HNRNPA3: variants seen among roughly 807,000 people sequenced by gnomAD.
The protein encoded by HNRNPA3 is epididymis secretory sperm binding protein.
A neutral mutation model predicts 45.8 loss-of-function variants in HNRNPA3; 3 were observed. The observed-to-expected ratio is 0.07, with a 90% CI of 0.03 to 0.17. HNRNPA3 has a LOEUF of 0.17. Among genes scored for constraint, HNRNPA3 ranks in the 10% least tolerant of loss-of-function variants. HNRNPA3 has a pLI of 1.00. For missense variants in HNRNPA3, 183 were observed against 480.3 expected (o/e 0.38, Z 5.79); for synonymous variants, 170 against 155.6 (o/e 1.09, Z -0.69).
Position 177,217,814 on chromosome 2 carries a change from T to G in HNRNPA3, c.930T>G (p.Asp310Glu), listed in dbSNP as rs757589779. The G allele has an allele frequency of 1.6e-5, 26 of 1,597,372 alleles. No individual in the cohort carries two copies. The highest frequency in any genetic ancestry group is 2.2e-5 in the Non-Finnish European group (26 of 1,173,292). ...GATATGGTGGAGGTGGAGGATATGA[T>G]GGTTACAATGAAGGAGGAAATTTTG... The change falls in exon 8 of 11, where the codon GAT (aspartate) becomes GAG (glutamate). Residue 310 changes from aspartate (D) to glutamate (E), a missense_variant. By Grantham distance (45) the Asp-to-Glu change is conservative (BLOSUM62 2). Transcript: ENST00000392524.
intron 1 of HNRNPA3, among the ~76,000 whole-genome samples, chr2:177,215,184 C>T (rs1483331023): frequency 6.6e-6 from 1 of 152,084 alleles, no homozygotes; most frequent in Non-Finnish European, 1.5e-5. Context: ...CTCACCGCAA[C>T]CTCCGCCTCC....
At chr2:177,216,121 G>A (rs1267640182) in exon 4 of HNRNPA3, 2 of 1,574,850 alleles carry the variant, frequency 1.3e-6, no homozygotes, top group South Asian at 2.2e-5. Context: ...AAGACAGGCA[G>A]AGTGGAAAAA....
chr2:177,219,759 A>C (rs1321882679), exon 11 of HNRNPA3: 1 of 153,284 alleles, frequency 6.5e-6, no homozygotes, highest in Non-Finnish European at 1.5e-5. Context: ...TAAAAAATTA[A>C]GGAATTTTTA....
chr2:177,223,208 CGCGTGTTGAATAAGG>C, downstream of HNRNPA3: 1 of 152,202 alleles, frequency 6.6e-6, no homozygotes, highest in Middle Eastern at 3.4e-3. Flanking sequence ...CCAATTTCTA[CGCGTGTTGAATAAGG>C]TAACAGCCTT....
At chr2:177,215,436 G>A (rs562559366) in intron 1 of HNRNPA3, 103 bp from the exon 2 acceptor site, 2 of 1,190,414 alleles carry the variant, frequency 1.7e-6, no homozygotes, top group East Asian at 4.7e-5. Flanking sequence ...ACTGTCACAG[G>A]AATTTGATGT....
At chr2:177,214,274 A>G (rs1420976044) in intron 1 of HNRNPA3, among the ~76,000 whole-genome samples, 1 of 152,248 alleles carries the variant, frequency 6.6e-6, no homozygotes, top group Non-Finnish European at 1.5e-5. Flanking sequence ...CCAACTTGCC[A>G]GTTAGTTGTG....
At chr2:177,219,124 G>C (rs1273393306) in exon 9 of HNRNPA3, 8 of 1,614,158 alleles carry the variant, frequency 5.0e-6, no homozygotes, top group Admixed American at 3.3e-5. Context: ...AAAGGGGGCA[G>C]TTTTGGTGGA....
chr2:177,213,306 C>T (rs1025858403), intron 1 of HNRNPA3, among the ~76,000 whole-genome samples: 4 of 152,216 alleles, frequency 2.6e-5, no homozygotes, highest in Admixed American at 1.3e-4. Context: ...GCGCATTGGC[C>T]CGCAATGGCC....
rs1271074235 is a variant in HNRNPA3, at chr2:177,217,935, TG to T, written c.961+91del. On this transcript the variant is annotated intron_variant, in intron 8 of 10. Transcript: ENST00000392524. ...ATATTTGGAAAGTGTTAAAAGCGTT[TG>T]ATCAAATTTTATGTTCTATAAGAAA... 10 of 1,274,040 alleles carry T rather than the reference TG, an allele frequency of 7.8e-6. No individual in the cohort carries two copies. The Middle Eastern group carries it at 9.9e-4, about 126-fold the overall frequency. The allele number at this position is 1,274,040 out of a possible 1,614,324, so 78.9% of individuals were successfully genotyped here. A position where few individuals can be genotyped will look rare whatever the true frequency, so the allele number is the denominator to read the frequency against.
chr2:177,223,953 A>G (rs999083153), downstream of HNRNPA3: 3 of 152,226 alleles, frequency 2.0e-5, no homozygotes, highest in African/African-American at 7.2e-5. Flanking sequence ...ACAACAGGAA[A>G]CTTGGAGTGA....
At chr2:177,219,143 G>T (rs774235189) in exon 9 of HNRNPA3, 1 of 1,614,030 alleles carries the variant, frequency 6.2e-7, no homozygotes, top group Admixed American at 1.7e-5. Flanking sequence ...GAAGAAGCTC[G>T]GGCAGTCCCT....
At chr2:177,214,489 T>C (rs1688840517) in intron 1 of HNRNPA3, among the ~76,000 whole-genome samples, 1 of 152,220 alleles carries the variant, frequency 6.6e-6, no homozygotes, top group African/African-American at 2.4e-5. Flanking sequence ...TTGTTCTTCA[T>C]CACAGTTTTG....
chr2:177,216,362 C>T, intron 4 of HNRNPA3, 141 bp from the exon 5 acceptor site: 3 of 730,052 alleles, frequency 4.1e-6, no homozygotes, highest in Non-Finnish European at 6.7e-6. Flanking sequence ...TAAACATAAA[C>T]ATCTCAGAAT....
chr2:177,219,130 G>T, exon 9 of HNRNPA3: 1 of 1,614,132 alleles, frequency 6.2e-7, no homozygotes, highest in Non-Finnish European at 8.5e-7. Context: ...GGCAGTTTTG[G>T]TGGAAGAAGC....
At chr2:177,223,248 C>T (rs1689264045), downstream of HNRNPA3, 17 of 152,198 alleles carry the variant, frequency 1.1e-4, 3 homozygotes, top group South Asian at 3.5e-3. Context: ...GAATTTCCTT[C>T]ACAACATGGT....
downstream of HNRNPA3, chr2:177,222,565 T>C (rs993955969): frequency 1.3e-5 from 2 of 152,274 alleles, no homozygotes; most frequent in African/African-American, 4.8e-5. Flanking sequence ...CCCAGCACTT[T>C]GGGAGGCTGA....
chr2:177,214,870 C>T (rs930660127), intron 1 of HNRNPA3, among the ~76,000 whole-genome samples: 7 of 152,200 alleles, frequency 4.6e-5, no homozygotes, highest in Non-Finnish European at 1.0e-4. Flanking sequence ...ATAGATGCAA[C>T]ACTGCTTCTC....
chr2:177,216,471 TTTTTG>T, intron 4 of HNRNPA3, 27 bp from the exon 5 acceptor site: 1 of 1,518,658 alleles, frequency 6.6e-7, no homozygotes, highest in Non-Finnish European at 9.1e-7. Flanking sequence ...ATAAAATAAC[TTTTTG>T]TTTTGTTTGA....
exon 2 of HNRNPA3, chr2:177,215,565 G>A (rs773368115): frequency 1.2e-6 from 2 of 1,613,942 alleles, no homozygotes; most frequent in Admixed American, 1.7e-5. Context: ...AACCAGAGCA[G>A]TTGAGAAAAC....
Sources: allele counts gnomAD v4.1 joint callset (sites outside exome capture counted in the v4.1 genomes callset), GRCh38; gene constraint gnomAD v4.1.1; transcripts MANE v1.5; gene names NCBI Gene and HGNC (gene_info 2026-07-23, HGNC 2026-07-21).